Variants in CKAP5 observed in about 807,000 individuals in gnomAD.
CKAP5 encodes cytoskeleton associated protein 5.
In CKAP5, 27 loss-of-function variants were observed where a neutral mutation model predicts 232.8. That is an observed-to-expected ratio of 0.12 (90% confidence interval 0.09 to 0.16). CKAP5 has a LOEUF of 0.16. CKAP5 is among the 10% of genes least tolerant of loss of function. The probability of loss-of-function intolerance (pLI) is 1.00; values close to 1 mark genes in which losing one functional copy is unlikely to be tolerated. For synonymous variants in CKAP5, 785 were observed against 841.1 expected, an observed-to-expected ratio of 0.93 and a Z score of 1.16; for missense variants, 1,838 against 2,424.7, an observed-to-expected ratio of 0.76 and a Z score of 5.08.
At chr11:46,842,149 C>G (rs2134726565) in intron 1 of CKAP5, among the ~76,000 whole-genome samples, 1 of 152,284 alleles carries the variant, frequency 6.6e-6, no homozygotes, top group South Asian at 2.1e-4. Flanking sequence ...GGCCACTAAC[C>G]TCAAAGCTGT....
In CKAP5 at chr11:46,779,537, C is replaced by T. The variant is rs190300285; in HGVS notation, c.2433+657G>A. Among the ~76,000 whole-genome samples the T allele has an allele frequency of 6.3e-3, 960 of 152,290 alleles. 13 individuals are homozygous for T. The highest frequency in any genetic ancestry group is 0.022 in the African/African-American group (916 of 41,570). ...AGAAAGACAGAGTCTCAGTATGTTG[C>T]CCAGGCTGGAGTGCAGTGGCTATTC... On this transcript the variant is annotated intron_variant, in intron 20 of 43. Coordinates refer to ENST00000529230, the MANE Select transcript of CKAP5 (RefSeq NM_001008938.4).
At chr11:46,823,707 G>A (rs1242283400) in intron 1 of CKAP5, among the ~76,000 whole-genome samples, 3 of 152,052 alleles carry the variant, frequency 2.0e-5, no homozygotes, top group Non-Finnish European at 4.4e-5. Context: ...CCCAACCTCC[G>A]CCTCCCGGGT....
Position 46,762,830 on chromosome 11 carries a change from A to C in CKAP5, c.3892-68T>G, listed in dbSNP as rs902937851. 2.0e-5 allele frequency: 30 copies of C among 1,533,474 alleles called. No individual in the cohort carries two copies. The African/African-American group carries it at 4.1e-4, about 21-fold the overall frequency. The allele number at this position is 1,533,474 out of a possible 1,614,324, so 95.0% of individuals were successfully genotyped here. On this transcript the variant is annotated intron_variant, in intron 30 of 43. Transcript: ENST00000529230. ...AGTAGCAATGATTCTCCCATGCATT[A>C]CTATGTTTTGAAAGAATAGGGAAAT...
chr11:46,743,729 C>A lies in CKAP5; in HGVS notation c.*294G>T. Reference sequence around the variant, plus strand: ...AGATTAGGACAATTTTACAAATGAGCAATTAAAAAGAAAAGAAAAGGATCT... The same window carrying A: ...AGATTAGGACAATTTTACAAATGAGAAATTAAAAAGAAAAGAAAAGGATCT... On this transcript the variant is annotated 3_prime_UTR_variant, in exon 44 of 44. Coordinates refer to ENST00000529230, the MANE Select transcript of CKAP5 (RefSeq NM_001008938.4). The A allele has an allele frequency of 1.5e-5, 4 of 272,318 alleles. No individual in the cohort carries two copies. Among genetic ancestry groups the A allele is most frequent in the Non-Finnish European group, 2.7e-5 (4 of 147,086 alleles). The allele number at this position is 272,318 out of a possible 1,614,324, so 16.9% of individuals were successfully genotyped here.
chr11:46,770,125 T>C, intron 25 of CKAP5, 27 bp from the exon 26 acceptor site: 1 of 1,609,084 alleles, frequency 6.2e-7, no homozygotes, highest in Non-Finnish European at 8.5e-7. Context: ...ACATAAAAAG[T>C]GAGAGGTCAC....
chr11:46,747,819 G>A (rs1189875555), intron 42 of CKAP5, among the ~76,000 whole-genome samples: 1 of 152,088 alleles, frequency 6.6e-6, no homozygotes, highest in African/African-American at 2.4e-5. Flanking sequence ...CAGAACTTTG[G>A]GAGGCCGATG....
At chr11:46,788,206 CT>C (rs1465704587) in intron 16 of CKAP5, among the ~76,000 whole-genome samples, 4 of 152,312 alleles carry the variant, frequency 2.6e-5, no homozygotes, top group African/African-American at 7.2e-5. Context: ...GGTAGTACCC[CT>C]AATCACCACA....
At chr11:46,788,839 C>A in intron 15 of CKAP5, 66 bp from the exon 16 acceptor site, 1 of 1,165,016 alleles carries the variant, frequency 8.6e-7, no homozygotes, top group African/African-American at 1.6e-5. Flanking sequence ...AGAGTAAATA[C>A]CAAAGTCAAG....
chr11:46,793,575 G>C (rs529999458), intron 13 of CKAP5, among the ~76,000 whole-genome samples: 37 of 152,340 alleles, frequency 2.4e-4, no homozygotes, highest in Admixed American at 8.5e-4. Flanking sequence ...TTAATGTTAA[G>C]TGTGTTGCCA....
chr11:46,810,135 C>A (rs1262438274), intron 5 of CKAP5, among the ~76,000 whole-genome samples: 2 of 151,962 alleles, frequency 1.3e-5, no homozygotes, highest in African/African-American at 4.8e-5. Context: ...CCACATCCGG[C>A]TAATTTTTGT....
At chr11:46,785,884 G>A (rs2065387860) in intron 16 of CKAP5, among the ~76,000 whole-genome samples, 1 of 152,278 alleles carries the variant, frequency 6.6e-6, no homozygotes, top group Non-Finnish European at 1.5e-5. Flanking sequence ...GGCTGAAGCT[G>A]CAGAGAGACA....
chr11:46,826,853 T>A (rs1939667402), intron 1 of CKAP5: 1 of 155,708 alleles, frequency 6.4e-6, no homozygotes, highest in Middle Eastern at 3.0e-3. Flanking sequence ...GCAGCAGCAT[T>A]GGTGCTGCGG....
At position 46,763,161 on chromosome 11, in the gene CKAP5, C is replaced by G. The variant is rs1313584016; in HGVS notation, c.3706G>C (p.Glu1236Gln). Residue 1236 changes from glutamate (E) to glutamine (Q), a missense_variant, in exon 30 of 44, where the codon GAA becomes CAA. Glu to Gln is a conservative substitution (Grantham distance 29). Transcript: ENST00000529230. ...AGATCCAGGCAACCAATAACTCCTT[C>G]TTTTTCACTCTCCAAGTGCTTAAAA... ...VMVDHLESEK[E>Q]GVIGCLDLIL... 6.2e-7 allele frequency: 1 copy of G among 1,612,422 alleles called. No homozygotes were observed. Among genetic ancestry groups the G allele is most frequent in the Admixed American group, 1.7e-5 (1 of 59,956 alleles).
At chr11:46,807,186 T>C (rs148757848) in intron 8 of CKAP5, among the ~76,000 whole-genome samples, 232 of 152,320 alleles carry the variant, frequency 1.5e-3, no homozygotes, top group African/African-American at 5.2e-3. Context: ...AACAAAGTTA[T>C]GTACTGATTG....
At chr11:46,800,051 GA>G (rs1303534652) in intron 9 of CKAP5, among the ~76,000 whole-genome samples, 2 of 151,596 alleles carry the variant, frequency 1.3e-5, no homozygotes, top group African/African-American at 2.4e-5. Flanking sequence ...AGTGGTGTAG[GA>G]AAAAATTGTT....
intron 1 of CKAP5, among the ~76,000 whole-genome samples, chr11:46,834,735 C>T (rs1160744523): frequency 6.6e-6 from 1 of 152,058 alleles, no homozygotes; most frequent in Non-Finnish European, 1.5e-5. Context: ...AGGAATCTCC[C>T]ATATTAAACA....
intron 38 of CKAP5, 101 bp downstream of exon 38, chr11:46,752,534 T>C: frequency 1.2e-6 from 1 of 823,296 alleles, no homozygotes; most frequent in Non-Finnish European, 1.9e-6. Context: ...CTTGGTTGAT[T>C]TGAGCCTATG....
chr11:46,793,288 T>TAA (rs1279403894), intron 13 of CKAP5, among the ~76,000 whole-genome samples: 5 of 152,240 alleles, frequency 3.3e-5, no homozygotes, highest in African/African-American at 1.2e-4. Context: ...TGATGCTCAC[T>TAA]AAATATCAGT....
chr11:46,820,546 G>C (rs1479373884), intron 2 of CKAP5: 1 of 152,108 alleles, frequency 6.6e-6, no homozygotes, highest in Non-Finnish European at 1.5e-5. Flanking sequence ...ACTTGGAGTA[G>C]AATAAATTTA....
Sources: allele counts gnomAD v4.1 joint callset (sites outside exome capture counted in the v4.1 genomes callset), GRCh38; gene constraint gnomAD v4.1.1; transcripts MANE v1.5; gene names NCBI Gene and HGNC (gene_info 2026-07-23, HGNC 2026-07-21).